Variants in TRAIP observed in about 807,000 individuals in gnomAD.
TRAIP encodes E3 ubiquitin-protein ligase TRAIP.
A neutral mutation model predicts 65.0 loss-of-function variants in TRAIP; 37 were observed. The ratio of observed to expected loss-of-function variants is 0.57; its 90% confidence interval spans 0.44 to 0.75. TRAIP has a LOEUF of 0.75. Among genes scored for constraint, TRAIP ranks in the 30% least tolerant of loss-of-function variants. TRAIP has a pLI of 0.00. For synonymous variants in TRAIP, 187 were observed against 219.1 expected, an observed-to-expected ratio of 0.85 and a Z score of 1.29; for missense variants, 481 against 579.4, an observed-to-expected ratio of 0.83 and a Z score of 1.74.
At chr3:49,850,249 C>T (rs1483761656) in intron 1 of TRAIP, among the ~76,000 whole-genome samples, 1 of 152,004 alleles carries the variant, frequency 6.6e-6, no homozygotes, top group Non-Finnish European at 1.5e-5. Context: ...GTCTGTAATC[C>T]CAGCACTTTG....
chr3:49,848,072 C>A, intron 2 of TRAIP, 71 bp downstream of exon 2: 1 of 1,563,250 alleles, frequency 6.4e-7, no homozygotes, highest in Non-Finnish European at 8.8e-7. Context: ...AGTTTCAGAG[C>A]TCTTTTCACA....
intron 13 of TRAIP, 45 bp from the exon 14 acceptor site, chr3:49,829,553 G>C (rs528210903): frequency 6.2e-7 from 1 of 1,614,070 alleles, no homozygotes; most frequent in East Asian, 2.2e-5. Flanking sequence ...AATGGGCTGG[G>C]GGGCTGGCCA....
At chr3:49,843,761 C>T (rs1475794168) in intron 5 of TRAIP, 40 bp downstream of exon 5, 3 of 1,591,814 alleles carry the variant, frequency 1.9e-6, no homozygotes, top group African/African-American at 1.3e-5. Context: ...GGGGCAATAC[C>T]TCCCTATGAA....
intron 1 of TRAIP, among the ~76,000 whole-genome samples, chr3:49,851,420 A>C (rs1401957016): frequency 6.6e-6 from 1 of 151,978 alleles, no homozygotes; most frequent in East Asian, 1.9e-4. Flanking sequence ...ATGGGGTCTC[A>C]CTCTGTCATC....
chr3:49,852,727 C>G (rs575817413), intron 1 of TRAIP, among the ~76,000 whole-genome samples: 2 of 151,838 alleles, frequency 1.3e-5, no homozygotes, highest in South Asian at 4.2e-4. Context: ...TGCACTCCAG[C>G]CTGGGTGACA....
Position 49,842,499 on chromosome 3 carries a change from G to T in TRAIP, c.457C>A (p.Gln153Lys). ...EQQQDETKQA[Q>K]EEARRLRSKM... ...CTCCTGAGCCGGCGGGCCTCCTCTT[G>T]TGCTTGTTTGGTCTCATCCTGCTGC... Residue 153 changes from glutamine (Q) to lysine (K), a missense_variant, in exon 6 of 15, where the codon CAA becomes AAA. Coordinates refer to ENST00000331456, the MANE Select transcript of TRAIP (RefSeq NM_005879.3). 1 of 1,613,964 alleles carries T rather than the reference G, an allele frequency of 6.2e-7. No homozygotes were observed. The highest frequency in any genetic ancestry group is 8.5e-7 in the Non-Finnish European group (1 of 1,180,006).
chr3:49,856,527 C>T lies in TRAIP; in HGVS notation c.-74G>A. 7.2e-7 allele frequency: 1 copy of T among 1,382,938 alleles called. No homozygotes were observed. The highest frequency in any genetic ancestry group is 1.0e-6 in the Non-Finnish European group (1 of 996,002). The allele number at this position is 1,382,938 out of a possible 1,614,324, so 85.7% of individuals were successfully genotyped here. Reference sequence around the variant, plus strand: ...CCGGCTTCGTAGACGCGCCCCCGCGCCTCCGCTTGCTTCAAATTTGGCTCC... The same window carrying T: ...CCGGCTTCGTAGACGCGCCCCCGCGTCTCCGCTTGCTTCAAATTTGGCTCC... On this transcript the variant is annotated 5_prime_UTR_variant, in exon 1 of 15. Coordinates refer to ENST00000331456, the MANE Select transcript of TRAIP (RefSeq NM_005879.3).
chr3:49,843,989 C>T, intron 4 of TRAIP, 61 bp from the exon 5 acceptor site: 20 of 1,547,378 alleles, frequency 1.3e-5, no homozygotes, highest in Non-Finnish European at 1.8e-5. Flanking sequence ...AGCAGAAGAA[C>T]TTGGGCCCTT....
intron 10 of TRAIP, among the ~76,000 whole-genome samples, chr3:49,839,473 G>A (rs2081818397): frequency 6.6e-6 from 1 of 152,138 alleles, no homozygotes; most frequent in Non-Finnish European, 1.5e-5. Context: ...CAAAATCTGG[G>A]GTGGACAGAT....
rs1156448909 is a variant in TRAIP at position 49,847,447 on chromosome 3, A to G, written c.240+78T>C. The G allele has an allele frequency of 1.0e-5, 9 of 895,052 alleles. No individual in the cohort carries two copies. In the African/African-American group the frequency reaches 1.6e-4, roughly 16 times the overall value. 55.4% of individuals were successfully genotyped at this position (895,052 alleles called of 1,614,324 possible). ...GAGAAGAGAAGAGAAGAGAAGAGAA[A>G]AAAGAAAAGAAAAGAAAAAAGAAAA... On this transcript the variant is annotated intron_variant, in intron 3 of 14. Coordinates refer to ENST00000331456, the MANE Select transcript of TRAIP (RefSeq NM_005879.3).
chr3:49,834,838 A>G (rs2081766725), intron 10 of TRAIP, among the ~76,000 whole-genome samples: 1 of 152,246 alleles, frequency 6.6e-6, no homozygotes, highest in African/African-American at 2.4e-5. Flanking sequence ...ATATGAGACC[A>G]TAAAACAAGA....
chr3:49,856,535 T>G lies in TRAIP; in HGVS notation c.-82A>C. On this transcript the variant is annotated 5_prime_UTR_variant, in exon 1 of 15. Coordinates refer to ENST00000331456, the MANE Select transcript of TRAIP (RefSeq NM_005879.3). ...GTAGACGCGCCCCCGCGCCTCCGCT[T>G]GCTTCAAATTTGGCTCCGCAGCACG... 2 of 1,330,240 alleles carry G rather than the reference T, an allele frequency of 1.5e-6. No homozygotes were observed. The highest frequency in any genetic ancestry group is 2.1e-6 in the Non-Finnish European group (2 of 951,292). 82.4% of individuals were successfully genotyped at this position (1,330,240 alleles called of 1,614,324 possible). A position where few individuals can be genotyped will look rare whatever the true frequency, so the allele number is the denominator to read the frequency against.
At position 49,829,135 on chromosome 3, in the gene TRAIP, G is replaced by C; in HGVS notation, c.1378C>G (p.Gln460Glu). The C allele has an allele frequency of 6.2e-7, 1 of 1,614,226 alleles. No individual in the cohort carries two copies. Among genetic ancestry groups the C allele is most frequent in the South Asian group, 1.1e-5 (1 of 91,082 alleles). ...VRVKTVPSLF[Q>E]AKLDTFLWS Reference sequence around the variant, plus strand: ...CACAGGAAGGTGTCCAGCTTGGCCTGGAAGAGAGAAGGCACTGTCTTCACC... The same window carrying C: ...CACAGGAAGGTGTCCAGCTTGGCCTCGAAGAGAGAAGGCACTGTCTTCACC... Residue 460 changes from glutamine (Q) to glutamate (E), a missense_variant, in exon 15 of 15, where the codon CAG becomes GAG. Transcript: ENST00000331456.
chr3:49,847,214 A>AATAG (rs2081890641), intron 3 of TRAIP, among the ~76,000 whole-genome samples: 1 of 150,100 alleles, frequency 6.7e-6, no homozygotes, highest in Admixed American at 6.6e-5. Flanking sequence ...TAAATAAATA[A>AATAG]ATAAATAAAA....
intron 10 of TRAIP, 141 bp from the exon 11 acceptor site, chr3:49,832,209 T>A: frequency 1.0e-6 from 1 of 984,552 alleles, no homozygotes; most frequent in Non-Finnish European, 1.4e-6. Flanking sequence ...AGCCCTACTC[T>A]CGGCCAGGCA....
rs2081901158 is a variant in TRAIP, at chr3:49,848,074, CTT to C, written c.156+67_156+68del. The C allele has an allele frequency of 3.2e-6, 5 of 1,576,634 alleles. No homozygotes were observed. In the Admixed American group the frequency reaches 8.4e-5, roughly 27 times the overall value. On this transcript the variant is annotated intron_variant, in intron 2 of 14. Transcript: ENST00000331456. The stretch of plus-strand genomic sequence containing the variant: ...TCAGAGATATTGCAGTTTCAGAGCT[CTT>C]TTCACATTCCTGCTCTCTGCTAAGG...
chr3:49,844,587 G>A lies in TRAIP; in HGVS notation c.241-7C>T, dbSNP rs779634467. The A allele has an allele frequency of 6.2e-7, 1 of 1,614,030 alleles. No homozygotes were observed. Among genetic ancestry groups the A allele is most frequent in the South Asian group, 1.1e-5 (1 of 91,068 alleles). On this transcript the variant is annotated splice_region_variant and splice_polypyrimidine_tract_variant and intron_variant, in intron 3 of 14. Coordinates refer to ENST00000331456, the MANE Select transcript of TRAIP (RefSeq NM_005879.3). ...TGACATTGTCCAGTTCATTCTGAAA[G>A]GCAATACCCACAATAAGCAGCAGGA...
chr3:49,842,632 C>G, intron 5 of TRAIP, 85 bp from the exon 6 acceptor site: 2 of 1,241,124 alleles, frequency 1.6e-6, no homozygotes, highest in Non-Finnish European at 2.3e-6. Context: ...TGCTCCAGAA[C>G]TCTCTGCAGC....
chr3:49,844,012 T>TAAGGGATGAGG, intron 4 of TRAIP, 84 bp from the exon 5 acceptor site: 1 of 1,515,900 alleles, frequency 6.6e-7, no homozygotes, highest in Non-Finnish European at 8.9e-7. Context: ...ATTCAGTGCC[T>TAAGGGATGAGG]CATCCCTTAG....
Sources: gnomAD v4.1 joint callset for allele counts (sites outside exome capture counted in the v4.1 genomes callset) on GRCh38, gnomAD v4.1.1 for gene constraint, MANE v1.5 for transcripts, NCBI Gene and HGNC (gene_info 2026-07-23, HGNC 2026-07-21) for gene names.